Variants in IL1RAPL2 observed in about 807,000 individuals in gnomAD.
The protein encoded by IL1RAPL2 is interleukin 1 receptor accessory protein like 2, also known as X-linked interleukin-1 receptor accessory protein-like 2.
A neutral mutation model predicts 44.1 loss-of-function variants in IL1RAPL2; 3 were observed. That is an observed-to-expected ratio of 0.07 (90% CI 0.03 to 0.18). The LOEUF (loss-of-function observed/expected upper bound fraction) is 0.18. Among genes scored for constraint, IL1RAPL2 ranks in the 10% least tolerant of loss-of-function variants. IL1RAPL2 has a pLI of 1.00. For missense variants in IL1RAPL2, 391 were observed against 496.4 expected, an observed-to-expected ratio of 0.79 and a Z score of 2.02; for synonymous variants, 181 against 178.8, an observed-to-expected ratio of 1.01 and a Z score of -0.10.
intron 2 of IL1RAPL2, among the ~76,000 whole-genome samples, chrX:104,672,058 A>T (rs1930615748): frequency 8.9e-6 from 1 of 111,799 alleles, no homozygotes; most frequent in South Asian, 3.8e-4. Flanking sequence ...AGCTAAGAAC[A>T]GAGAGCATGG....
chrX:105,525,235 C>T (rs1028553272), intron 6 of IL1RAPL2, among the ~76,000 whole-genome samples: 2 of 110,948 alleles, frequency 1.8e-5, no homozygotes, highest in Admixed American at 9.6e-5. Context: ...CAATATAAGG[C>T]AAAACTAGTT....
chrX:105,617,445 T>C (rs2037385525), intron 6 of IL1RAPL2, among the ~76,000 whole-genome samples: 1 of 111,076 alleles, frequency 9.0e-6, no homozygotes, highest in African/African-American at 3.3e-5. Context: ...ACATAACTCA[T>C]AGGATACCAT....
At chrX:104,686,989 A>G (rs1930999642) in intron 2 of IL1RAPL2, among the ~76,000 whole-genome samples, 1 of 112,267 alleles carries the variant, frequency 8.9e-6, no homozygotes, top group South Asian at 3.7e-4. Context: ...CAGTGCTTGC[A>G]ACAACCGTAC....
intron 2 of IL1RAPL2, among the ~76,000 whole-genome samples, chrX:105,057,776 AT>A (rs759740430): frequency 0.019 from 2,057 of 107,979 alleles, 57 homozygotes; most frequent in African/African-American, 0.066. Context: ...TTATTTATTT[AT>A]TTTTTTTTAA....
At chrX:105,190,338 T>C (rs2033622899) in intron 2 of IL1RAPL2, among the ~76,000 whole-genome samples, 1 of 112,382 alleles carries the variant, frequency 8.9e-6, no homozygotes, top group Non-Finnish European at 1.9e-5. Context: ...GTGCTGTGAT[T>C]CTTCTCAAGC....
intron 6 of IL1RAPL2, among the ~76,000 whole-genome samples, chrX:105,617,440 A>T (rs1336697622): frequency 9.0e-6 from 1 of 110,524 alleles, no homozygotes; most frequent in African/African-American, 3.3e-5. Flanking sequence ...GCATCACATA[A>T]CTCATAGGAT....
At chrX:105,031,034 G>A (rs2031482810) in intron 2 of IL1RAPL2, among the ~76,000 whole-genome samples, 1 of 109,672 alleles carries the variant, frequency 9.1e-6, no homozygotes, top group African/African-American at 3.3e-5. Flanking sequence ...TCATGATTTG[G>A]CTCTCTGTTT....
intron 2 of IL1RAPL2, among the ~76,000 whole-genome samples, chrX:104,889,617 A>G (rs1332012122): frequency 9.0e-6 from 1 of 111,168 alleles, no homozygotes; most frequent in Non-Finnish European, 1.9e-5. Context: ...CCTCAAAGTT[A>G]AGTCTGTCAG....
intron 2 of IL1RAPL2, among the ~76,000 whole-genome samples, chrX:104,772,906 T>A (rs1456805020): frequency 9.0e-6 from 1 of 111,495 alleles, no homozygotes; most frequent in Non-Finnish European, 1.9e-5. Context: ...GGAAGTACAA[T>A]TTTTTCTTTT....
intron 2 of IL1RAPL2, among the ~76,000 whole-genome samples, chrX:104,977,306 C>T (rs940515951): frequency 3.6e-5 from 4 of 112,277 alleles, no homozygotes; most frequent in Non-Finnish European, 7.5e-5. Context: ...GGTGGTACTA[C>T]TGTGGACACT....
chrX:105,601,297 T>C (rs1332239972), intron 6 of IL1RAPL2, among the ~76,000 whole-genome samples: 1 of 111,298 alleles, frequency 9.0e-6, no homozygotes, highest in Non-Finnish European at 1.9e-5. Flanking sequence ...TCAATATATT[T>C]GTCCAGAAGT....
chrX:105,430,499 A>G (rs976714511), intron 5 of IL1RAPL2, among the ~76,000 whole-genome samples: 9 of 111,581 alleles, frequency 8.1e-5, no homozygotes, highest in African/African-American at 2.9e-4. Context: ...ATCTTAATCC[A>G]TATAATTATG....
chrX:104,848,440 T>C (rs948516214), intron 2 of IL1RAPL2, among the ~76,000 whole-genome samples: 2 of 91,292 alleles, frequency 2.2e-5, no homozygotes, highest in African/African-American at 8.4e-5. Context: ...TATATATATA[T>C]ATATATATAT....
chrX:105,691,193 G>A (rs1243931501), intron 6 of IL1RAPL2, among the ~76,000 whole-genome samples: 1 of 111,721 alleles, frequency 9.0e-6, no homozygotes, highest in African/African-American at 3.3e-5. Flanking sequence ...AGTTCCTTAT[G>A]AAGTACAGAC....
chrX:104,677,588 A>G (rs1360127714), intron 2 of IL1RAPL2, among the ~76,000 whole-genome samples: 1 of 112,488 alleles, frequency 8.9e-6, no homozygotes, highest in Non-Finnish European at 1.9e-5. Flanking sequence ...GAGCCTACAG[A>G]GGCAGGCAGG....
chrX:105,219,239 G>C, intron 3 of IL1RAPL2: 1 of 1,210,982 alleles, frequency 8.3e-7, no homozygotes, highest in Non-Finnish European at 1.1e-6. Flanking sequence ...GCTTGTGGAG[G>C]GGATATAGTG....
intron 2 of IL1RAPL2, among the ~76,000 whole-genome samples, chrX:104,835,819 T>C (rs1433690813): frequency 2.7e-5 from 3 of 112,136 alleles, no homozygotes; most frequent in Non-Finnish European, 3.8e-5. Flanking sequence ...TAGCCACGTT[T>C]TCAAAACAAA....
At position 105,594,459 on chromosome X, in the gene IL1RAPL2, A is replaced by G. The variant is rs929705338; in HGVS notation, c.772+110072A>G. ...GGTAGGTTTCTGGGTTATCTGTCTCAGCTATTGATACTTCTCATACTAATA... is the reference window on the plus strand; with the variant it reads ...GGTAGGTTTCTGGGTTATCTGTCTCGGCTATTGATACTTCTCATACTAATA... On this transcript the variant is annotated intron_variant, in intron 6 of 10. Coordinates refer to ENST00000372582, the MANE Select transcript of IL1RAPL2 (RefSeq NM_017416.2). Among the ~76,000 whole-genome samples, 3 of 111,749 alleles carry G rather than the reference A, an allele frequency of 2.7e-5. No individual in the cohort carries two copies. The Admixed American group carries it at 2.9e-4, about 11-fold the overall frequency.
At chrX:104,638,418 C>T (rs1311253321) in intron 1 of IL1RAPL2, among the ~76,000 whole-genome samples, 2 of 110,943 alleles carry the variant, frequency 1.8e-5, no homozygotes, top group Non-Finnish European at 3.8e-5. Flanking sequence ...TTGGTTTGTA[C>T]TTTCTTTTCT....
Sources: allele counts gnomAD v4.1 joint callset (sites outside exome capture counted in the v4.1 genomes callset), GRCh38; gene constraint gnomAD v4.1.1; transcripts MANE v1.5; gene names NCBI Gene and HGNC (gene_info 2026-07-23, HGNC 2026-07-21).